The following AGBL4 variants were observed in gnomAD, a reference collection of about 807,000 sequenced individuals.
AGBL4 encodes cytosolic carboxypeptidase 6.
In AGBL4, 58 loss-of-function variants were observed where a neutral mutation model predicts 66.4. That is an observed-to-expected ratio of 0.87 (90% confidence interval 0.71 to 1.09). The LOEUF (loss-of-function observed/expected upper bound fraction) is 1.09, where lower values mean the gene tolerates loss of function less well. Among genes scored for constraint, AGBL4 ranks in the 50% least tolerant of loss-of-function variants. The pLI is 0.00. For missense variants in AGBL4, 579 were observed against 631.0 expected (o/e 0.92, Z 0.88); for synonymous variants, 234 against 222.9 (o/e 1.05, Z -0.44).
chr1:49,549,647 CT>C (rs1652796833), intron 3 of AGBL4, among the ~76,000 whole-genome samples: 1 of 151,996 alleles, frequency 6.6e-6, no homozygotes, highest in Non-Finnish European at 1.5e-5. Context: ...TGAGAGAGTG[CT>C]TTACATAATT....
Position 49,456,375 on chromosome 1 carries a change from G to A in AGBL4, c.283-210511C>T, listed in dbSNP as rs746409792. On this transcript the variant is annotated intron_variant, in intron 3 of 13. Coordinates refer to ENST00000371839, the MANE Select transcript of AGBL4 (RefSeq NM_032785.4). ...TCATTGTATGCACGAACAGCTGCAA[G>A]GCCCTCTGGCCATCCATTTCTAGAG... Among the ~76,000 whole-genome samples the A allele has an allele frequency of 3.9e-4, 59 of 151,850 alleles. 1 individual carries two copies. Among genetic ancestry groups the A allele is most frequent in the South Asian group, 1.9e-3 (9 of 4,826 alleles).
chr1:49,424,885 A>G (rs1423678124), intron 3 of AGBL4, among the ~76,000 whole-genome samples: 1 of 152,178 alleles, frequency 6.6e-6, no homozygotes, highest in Non-Finnish European at 1.5e-5. Context: ...CTTCCTAGGT[A>G]AGTATGAGGC....
chr1:48,695,310 C>G (rs946607372), intron 6 of AGBL4, among the ~76,000 whole-genome samples: 4 of 152,158 alleles, frequency 2.6e-5, no homozygotes, highest in Non-Finnish European at 5.9e-5. Context: ...GGCACAGTGA[C>G]AAGCAGGGTT....
At chr1:49,907,409 A>C (rs914816562) in intron 1 of AGBL4, among the ~76,000 whole-genome samples, 9 of 152,172 alleles carry the variant, frequency 5.9e-5, no homozygotes, top group African/African-American at 2.2e-4. Flanking sequence ...TTATTCCTTT[A>C]TACTTCATTA....
intron 3 of AGBL4, among the ~76,000 whole-genome samples, chr1:49,407,054 G>GAC (rs1645216800): frequency 9.4e-6 from 1 of 106,372 alleles, no homozygotes; most frequent in East Asian, 3.0e-4. Flanking sequence ...GACAGAGTGA[G>GAC]ACTCTGCCTC....
intron 9 of AGBL4, among the ~76,000 whole-genome samples, chr1:48,607,272 C>T (rs1460242757): frequency 1.3e-5 from 2 of 152,054 alleles, no homozygotes; most frequent in East Asian, 3.9e-4. Context: ...TGTAGGTGCT[C>T]AACAGCCACT....
chr1:49,491,850 C>T (rs1647191023), intron 3 of AGBL4, among the ~76,000 whole-genome samples: 1 of 151,880 alleles, frequency 6.6e-6, no homozygotes, highest in East Asian at 1.9e-4. Flanking sequence ...TCCAAAACCC[C>T]CAGTGGATGC....
intron 6 of AGBL4, among the ~76,000 whole-genome samples, chr1:48,839,067 C>T (rs1210567029): frequency 6.6e-6 from 1 of 152,042 alleles, no homozygotes; most frequent in Non-Finnish European, 1.5e-5. Flanking sequence ...AATGATCATA[C>T]ACTGTTGATG....
chr1:49,931,391 C>T (rs58005192), intron 1 of AGBL4, among the ~76,000 whole-genome samples: 2,820 of 152,268 alleles, frequency 0.019, 83 homozygotes, highest in African/African-American at 0.064. Flanking sequence ...AATTGACTCA[C>T]AGTTCTGAAT....
rs575813249 is a variant in AGBL4, at chr1:49,685,541, T to C, written c.282+11772A>G. Among the ~76,000 whole-genome samples, 301 of 152,316 alleles carry C rather than the reference T, an allele frequency of 2.0e-3. 11 individuals are homozygous for C. In the South Asian group the frequency reaches 0.061, roughly 31 times the overall value. ...CCAGCAGTGTATAAGCGTTCCCTTT[T>C]CTCCACAAACTTGCCAGCATCTGTT... On this transcript the variant is annotated intron_variant, in intron 3 of 13. Transcript: ENST00000371839.
At chr1:49,533,424 G>T (rs536980284) in intron 3 of AGBL4, among the ~76,000 whole-genome samples, 2 of 152,180 alleles carry the variant, frequency 1.3e-5, no homozygotes, top group East Asian at 3.9e-4. Context: ...TTTTCCAGGG[G>T]TCCTCAATCT....
intron 1 of AGBL4, among the ~76,000 whole-genome samples, chr1:49,990,969 CG>C (rs1659898537): frequency 2.6e-5 from 4 of 151,932 alleles, no homozygotes; most frequent in African/African-American, 9.7e-5. Flanking sequence ...TATGCGTAAT[CG>C]TCATTAAAAA....
chr1:49,207,542 TTTTCTTTCTTTCTTTCTTTCTTTC>T (rs71056688), intron 4 of AGBL4, among the ~76,000 whole-genome samples: 126 of 78,028 alleles, frequency 1.6e-3, no homozygotes, highest in African/African-American at 5.9e-3. Context: ...TTTTTCTTTC[TTTTCTTTCTTTCTTTCTTTCTTTC>T]TTTCTTTCTT....
At chr1:49,243,654 T>G (rs1010857697) in intron 4 of AGBL4, among the ~76,000 whole-genome samples, 9 of 151,698 alleles carry the variant, frequency 5.9e-5, no homozygotes, top group Non-Finnish European at 1.2e-4. Context: ...TCCCAATATC[T>G]ACAACAGTGC....
At chr1:49,231,352 G>A (rs548172240) in intron 4 of AGBL4, among the ~76,000 whole-genome samples, 7 of 152,114 alleles carry the variant, frequency 4.6e-5, no homozygotes, top group South Asian at 2.1e-4. Context: ...ATAATTAAGC[G>A]CAATACTTAG....
At chr1:49,257,910 C>G (rs1243082085) in intron 3 of AGBL4, among the ~76,000 whole-genome samples, 1 of 152,164 alleles carries the variant, frequency 6.6e-6, no homozygotes, top group Non-Finnish European at 1.5e-5. Context: ...GGGAGGCACC[C>G]CCCAGTAGGG....
At chr1:48,720,314 C>A (rs188743590) in intron 6 of AGBL4, among the ~76,000 whole-genome samples, 95 of 152,238 alleles carry the variant, frequency 6.2e-4, no homozygotes, top group Non-Finnish European at 8.8e-4. Context: ...AGATGGAGCA[C>A]AAAAGATCTC....
At chr1:49,737,191 T>C (rs1250714186) in intron 2 of AGBL4, among the ~76,000 whole-genome samples, 1 of 152,076 alleles carries the variant, frequency 6.6e-6, no homozygotes, top group Non-Finnish European at 1.5e-5. Flanking sequence ...GGGTATATAC[T>C]CAAAACGAAA....
At chr1:48,880,605 T>G (rs921888632) in intron 5 of AGBL4, among the ~76,000 whole-genome samples, 8 of 152,306 alleles carry the variant, frequency 5.3e-5, no homozygotes, top group Admixed American at 3.9e-4. Flanking sequence ...TGCTCCCTGT[T>G]CACTGCATCC....
Sources: gnomAD v4.1 joint callset for allele counts (sites outside exome capture counted in the v4.1 genomes callset) on GRCh38, gnomAD v4.1.1 for gene constraint, MANE v1.5 for transcripts, NCBI Gene and HGNC (gene_info 2026-07-23, HGNC 2026-07-21) for gene names.